The following AUTS2 variants were observed in gnomAD, a reference collection of about 807,000 sequenced individuals.
The protein encoded by AUTS2 is activator of transcription and developmental regulator AUTS2.
A neutral mutation model predicts 112.4 loss-of-function variants in AUTS2; 17 were observed. The ratio of observed to expected loss-of-function variants is 0.15; its 90% confidence interval spans 0.10 to 0.23. AUTS2 has a LOEUF of 0.23. AUTS2 is among the 10% of genes least tolerant of loss of function. The pLI is 1.00. For missense variants in AUTS2, 1,510 were observed against 1,701.6 expected, an observed-to-expected ratio of 0.89 and a Z score of 1.98; for synonymous variants, 751 against 702.7, an observed-to-expected ratio of 1.07 and a Z score of -1.09.
At chr7:69,650,516 T>C (rs1042916569) in intron 1 of AUTS2, among the ~76,000 whole-genome samples, 20 of 152,186 alleles carry the variant, frequency 1.3e-4, no homozygotes, top group African/African-American at 4.6e-4. Flanking sequence ...AGGAGAACTT[T>C]CATCATTTTA....
At chr7:70,100,610 G>C (rs542519443) in intron 2 of AUTS2, among the ~76,000 whole-genome samples, 1 of 151,150 alleles carries the variant, frequency 6.6e-6, no homozygotes, top group Non-Finnish European at 1.5e-5. Context: ...CCTGGTGTGT[G>C]ATGTTCCCCT....
chr7:69,895,550 C>CA (rs5884771), intron 1 of AUTS2, among the ~76,000 whole-genome samples: 4 of 147,002 alleles, frequency 2.7e-5, no homozygotes, highest in Non-Finnish European at 4.5e-5. Flanking sequence ...TCTTCCCCCC[C>CA]CCCGAGTGGA....
intron 2 of AUTS2, among the ~76,000 whole-genome samples, chr7:69,949,359 C>G (rs575325745): frequency 4.5e-4 from 68 of 152,266 alleles, no homozygotes; most frequent in African/African-American, 1.4e-3. Context: ...ATGTTTGTCA[C>G]GAATCATCCC....
chr7:70,561,466 A>T (rs965113510), intron 5 of AUTS2, among the ~76,000 whole-genome samples: 3 of 152,144 alleles, frequency 2.0e-5, no homozygotes, highest in South Asian at 2.1e-4. Context: ...CTCTACAAAA[A>T]TTTTTTTTAA....
chr7:70,385,566 A>G (rs1680924325), intron 4 of AUTS2, among the ~76,000 whole-genome samples: 1 of 152,160 alleles, frequency 6.6e-6, no homozygotes, highest in Non-Finnish European at 1.5e-5. Context: ...TCATGAGACC[A>G]AGGACTTTAT....
intron 2 of AUTS2, among the ~76,000 whole-genome samples, chr7:70,010,279 A>G (rs900503194): frequency 2.6e-5 from 4 of 152,026 alleles, no homozygotes; most frequent in Non-Finnish European, 4.4e-5. Context: ...CCAAGTGGCT[A>G]GTACTACAGT....
rs371386048 is a variant in AUTS2 at position 70,763,201 on chromosome 7, G to T, written c.1074G>T (p.Val358=). 52 of 1,613,930 alleles carry T rather than the reference G, an allele frequency of 3.2e-5. No homozygotes were observed. The highest frequency in any genetic ancestry group is 1.9e-5 in the Non-Finnish European group (22 of 1,179,994). The change falls in exon 7 of 19, where the codon GTG becomes GTT. Residue 358 remains valine (V), a synonymous_variant. Transcript: ENST00000342771. ...TCCAGCCTGCCCCGCAGCCTCAGGT[G>T]CAGAGGCCACCCAGGCCACAGTCCC... ...AQLQPAPQPQ[V]QRPPRPQSPT...
chr7:70,402,067 G>C (rs557997454), intron 4 of AUTS2, among the ~76,000 whole-genome samples: 3 of 152,198 alleles, frequency 2.0e-5, no homozygotes, highest in Non-Finnish European at 2.9e-5. Flanking sequence ...TGGGGTCCTT[G>C]CTCCCCGCAA....
intron 14 of AUTS2, among the ~76,000 whole-genome samples, chr7:70,779,930 C>T (rs1166863494): frequency 6.6e-6 from 1 of 151,960 alleles, no homozygotes; most frequent in East Asian, 1.9e-4. Flanking sequence ...GTCCCAGCTA[C>T]TCAGGAGACT....
At chr7:69,623,381 AT>A (rs56204810) in intron 1 of AUTS2, among the ~76,000 whole-genome samples, 4,853 of 71,716 alleles carry the variant, frequency 0.068, 87 homozygotes, top group African/African-American at 0.12. Context: ...ACGCCCAGCA[AT>A]TTTTTTTTTT....
At chr7:70,509,374 T>A (rs1195555456) in intron 5 of AUTS2, among the ~76,000 whole-genome samples, 5 of 152,154 alleles carry the variant, frequency 3.3e-5, no homozygotes, top group Admixed American at 2.0e-4. Context: ...TATTCTGACT[T>A]GGGAGGAAGG....
At chr7:70,579,420 G>A (rs1043142300) in intron 5 of AUTS2, among the ~76,000 whole-genome samples, 1 of 151,482 alleles carries the variant, frequency 6.6e-6, no homozygotes, top group African/African-American at 2.4e-5. Flanking sequence ...TTTTTTTCTT[G>A]AGACAATGGG....
chr7:70,007,711 G>C (rs1799608986), intron 2 of AUTS2, among the ~76,000 whole-genome samples: 1 of 152,126 alleles, frequency 6.6e-6, no homozygotes, highest in Admixed American at 6.5e-5. Flanking sequence ...TGCGCAATAG[G>C]TGAAGCTGGG....
At chr7:70,454,782 G>A (rs912319574) in intron 5 of AUTS2, among the ~76,000 whole-genome samples, 1 of 152,176 alleles carries the variant, frequency 6.6e-6, no homozygotes, top group Non-Finnish European at 1.5e-5. Flanking sequence ...TTCTGAAGGT[G>A]CAGACCTCAT....
At chr7:69,770,507 C>T (rs1788614160) in intron 1 of AUTS2, among the ~76,000 whole-genome samples, 1 of 152,024 alleles carries the variant, frequency 6.6e-6, no homozygotes, top group Admixed American at 6.5e-5. Context: ...AGCCTCTTGG[C>T]TCCAGCTGGA....
chr7:70,419,614 C>T (rs1215850423), intron 4 of AUTS2, among the ~76,000 whole-genome samples: 1 of 151,994 alleles, frequency 6.6e-6, no homozygotes, highest in Non-Finnish European at 1.5e-5. Context: ...CATTTTTGTT[C>T]CTTTTTGAGA....
chr7:69,935,955 C>T (rs1796393117), intron 2 of AUTS2, among the ~76,000 whole-genome samples: 1 of 152,188 alleles, frequency 6.6e-6, no homozygotes, highest in African/African-American at 2.4e-5. Flanking sequence ...TAGTATATTT[C>T]ACTCCTGAGT....
At chr7:69,723,324 A>T (rs569096718) in intron 1 of AUTS2, among the ~76,000 whole-genome samples, 1 of 152,256 alleles carries the variant, frequency 6.6e-6, no homozygotes, top group South Asian at 2.1e-4. Context: ...TTTGAGAAGG[A>T]GGAAAGAAAT....
At chr7:70,645,366 C>T (rs930930912) in intron 5 of AUTS2, among the ~76,000 whole-genome samples, 8 of 152,086 alleles carry the variant, frequency 5.3e-5, no homozygotes, top group Non-Finnish European at 8.8e-5. Flanking sequence ...CACAACAGTT[C>T]ACGTGAGAAG....
Sources: allele counts gnomAD v4.1 joint callset (sites outside exome capture counted in the v4.1 genomes callset), GRCh38; gene constraint gnomAD v4.1.1; transcripts MANE v1.5; gene names NCBI Gene and HGNC (gene_info 2026-07-23, HGNC 2026-07-21).